CFDP1: variants seen among roughly 807,000 people sequenced by gnomAD.
CFDP1 encodes heterochromatin-stabilizing protein CFDP1.
In CFDP1, 31 loss-of-function variants were observed where a neutral mutation model predicts 40.1. The observed-to-expected ratio is 0.77, with a 90% CI of 0.58 to 1.04. CFDP1 has a LOEUF of 1.04. Among genes scored for constraint, CFDP1 ranks in the 50% least tolerant of loss-of-function variants. The pLI is 0.00. For missense variants in CFDP1, 423 were observed against 343.4 expected, an observed-to-expected ratio of 1.23 and a Z score of -1.83; for synonymous variants, 167 against 120.0, an observed-to-expected ratio of 1.39 and a Z score of -2.56.
intron 5 of CFDP1, among the ~76,000 whole-genome samples, chr16:75,330,963 A>T (rs1473973693): frequency 2.8e-4 from 2 of 7,200 alleles, no homozygotes; most frequent in Admixed American, 1.8e-3. Context: ...TCCAATTATT[A>T]AAAAAAAAAA....
intron 5 of CFDP1, among the ~76,000 whole-genome samples, chr16:75,341,053 T>G (rs1007360542): frequency 1.7e-4 from 26 of 152,204 alleles, no homozygotes; most frequent in African/African-American, 6.3e-4. Context: ...GAGTTACATT[T>G]GGCCCAAAGA....
chr16:75,412,805 A>T (rs1465078164), intron 2 of CFDP1, 51 bp from the exon 3 acceptor site: 1 of 1,425,278 alleles, frequency 7.0e-7, no homozygotes, highest in East Asian at 2.3e-5. Context: ...AAACGATTTC[A>T]GTTATCCCTC....
rs567079239 is a variant in CFDP1 at position 75,358,196 on chromosome 16, A to C, written c.650+36894T>G. Among the ~76,000 whole-genome samples, 6 of 152,352 alleles carry C rather than the reference A, an allele frequency of 3.9e-5. No homozygotes were observed. In the East Asian group the frequency reaches 9.6e-4, roughly 24 times the overall value. ...ATTATGAGAATTACCAAAATAGGAC[A>C]GAGACATGAAGTAAATACAAGCTGC... On this transcript the variant is annotated intron_variant, in intron 5 of 6. Coordinates refer to ENST00000283882, the MANE Select transcript of CFDP1 (RefSeq NM_006324.3).
intron 1 of CFDP1, among the ~76,000 whole-genome samples, chr16:75,423,607 T>C (rs1469343237): frequency 6.6e-6 from 1 of 151,970 alleles, no homozygotes; most frequent in African/African-American, 2.4e-5. Flanking sequence ...CTCCGCCTCT[T>C]GGGTTCACGC....
intron 5 of CFDP1, among the ~76,000 whole-genome samples, chr16:75,330,022 A>C (rs1180163901): frequency 1.3e-5 from 2 of 152,130 alleles, no homozygotes; most frequent in African/African-American, 4.8e-5. Context: ...GAATCCCCAG[A>C]GGTTATTAGA....
At chr16:75,309,264 G>C (rs1318456598) in intron 5 of CFDP1, among the ~76,000 whole-genome samples, 3 of 152,166 alleles carry the variant, frequency 2.0e-5, no homozygotes, top group Admixed American at 1.3e-4. Flanking sequence ...CAGATTTACT[G>C]TGACCTTGCC....
chr16:75,412,418 C>T (rs2079170875), intron 3 of CFDP1, 117 bp downstream of exon 3: 2 of 804,954 alleles, frequency 2.5e-6, no homozygotes, highest in Non-Finnish European at 4.2e-6. Flanking sequence ...AAATGCTTTG[C>T]TTTTCACTTA....
intron 4 of CFDP1, among the ~76,000 whole-genome samples, chr16:75,397,255 C>T (rs2079002869): frequency 6.6e-6 from 1 of 151,616 alleles, no homozygotes; most frequent in Non-Finnish European, 1.5e-5. Context: ...TGGCTCATGC[C>T]TGTAATCCCA....
chr16:75,356,386 A>C (rs376818997), intron 5 of CFDP1, among the ~76,000 whole-genome samples: 1 of 152,210 alleles, frequency 6.6e-6, no homozygotes, highest in Non-Finnish European at 1.5e-5. Context: ...GACTGGGTAC[A>C]CTGTCAATGA....
chr16:75,414,200 A>AT lies in CFDP1; in HGVS notation c.182+377dup, dbSNP rs919408110. ...AGAAAGTGAGTATGCTACTATTTAT[A>AT]TTTTTTTTCTAAAAAAAAAATGAAG... On this transcript the variant is annotated intron_variant, in intron 2 of 6. Transcript: ENST00000283882. Among the ~76,000 whole-genome samples the AT allele has an allele frequency of 2.6e-4, 40 of 151,884 alleles. 1 individual carries two copies. Among genetic ancestry groups the AT allele is most frequent in the African/African-American group, 8.9e-4 (37 of 41,396 alleles).
At chr16:75,331,168 G>C (rs1027879969) in intron 5 of CFDP1, among the ~76,000 whole-genome samples, 2 of 152,228 alleles carry the variant, frequency 1.3e-5, no homozygotes, top group African/African-American at 4.8e-5. Flanking sequence ...ATGACAGCAG[G>C]GGAGAAGGAT....
At chr16:75,408,773 T>G (rs888108029) in intron 4 of CFDP1, among the ~76,000 whole-genome samples, 1 of 151,910 alleles carries the variant, frequency 6.6e-6, no homozygotes, top group African/African-American at 2.4e-5. Context: ...AGACCCTGTC[T>G]CAAAATAATA....
In CFDP1 at chr16:75,433,361, C is replaced by T. The variant is rs368696378; in HGVS notation, c.-9G>A. The T allele has an allele frequency of 1.9e-6, 3 of 1,584,576 alleles. No individual in the cohort carries two copies. Among genetic ancestry groups the T allele is most frequent in the African/African-American group, 2.7e-5 (2 of 74,328 alleles). On this transcript the variant is annotated 5_prime_UTR_variant, in exon 1 of 7. Coordinates refer to ENST00000283882, the MANE Select transcript of CFDP1 (RefSeq NM_006324.3). Reference sequence around the variant, plus strand: ...GAGTCGAATTCCTCCATGTTGCTGCCGCTCGACGCTGGTCAAACTCACAAG... The same window carrying T: ...GAGTCGAATTCCTCCATGTTGCTGCTGCTCGACGCTGGTCAAACTCACAAG...
intron 1 of CFDP1, among the ~76,000 whole-genome samples, chr16:75,429,491 T>C (rs1278468230): frequency 6.6e-6 from 1 of 152,078 alleles, no homozygotes; most frequent in Non-Finnish European, 1.5e-5. Flanking sequence ...CCGTCTCTAC[T>C]AAAAATACAA....
intron 5 of CFDP1, among the ~76,000 whole-genome samples, chr16:75,330,601 A>C (rs1287518977): frequency 6.6e-6 from 1 of 152,202 alleles, no homozygotes; most frequent in Non-Finnish European, 1.5e-5. Flanking sequence ...AAACAAAAAC[A>C]AAAACAAATG....
intron 4 of CFDP1, among the ~76,000 whole-genome samples, chr16:75,411,575 ATACTT>A (rs1259796536): frequency 6.6e-6 from 1 of 152,192 alleles, no homozygotes; most frequent in Non-Finnish European, 1.5e-5. Context: ...GTGGAACAAA[ATACTT>A]AACTCATATT....
At chr16:75,295,397 A>G (rs1567637131) in intron 6 of CFDP1, among the ~76,000 whole-genome samples, 2 of 152,264 alleles carry the variant, frequency 1.3e-5, no homozygotes, top group Non-Finnish European at 2.9e-5. Flanking sequence ...TGTAATAAAG[A>G]TAATAAATAA....
At position 75,326,549 on chromosome 16, in the gene CFDP1, C is replaced by T. The variant is rs140350217; in HGVS notation, c.651-21367G>A. ...AGAGAATTATGCAGACACAAACTTCCTCTCTCGTTCAGTGGTCTGAGCTGG... is the reference window on the plus strand; with the variant it reads ...AGAGAATTATGCAGACACAAACTTCTTCTCTCGTTCAGTGGTCTGAGCTGG... On this transcript the variant is annotated intron_variant, in intron 5 of 6. Transcript: ENST00000283882. 6.8e-3 allele frequency among the ~76,000 whole-genome samples: 1,029 copies of T among 152,320 alleles called. 6 individuals are homozygous for T. The highest frequency in any genetic ancestry group is 0.01 in the Non-Finnish European group (683 of 68,028).
chr16:75,355,052 AG>A (rs2078637098), intron 5 of CFDP1, among the ~76,000 whole-genome samples: 2 of 152,244 alleles, frequency 1.3e-5, no homozygotes, highest in African/African-American at 4.8e-5. Flanking sequence ...CAGTCTATTA[AG>A]TGTGTAATAG....
Sources: gnomAD v4.1 joint callset for allele counts (sites outside exome capture counted in the v4.1 genomes callset) on GRCh38, gnomAD v4.1.1 for gene constraint, MANE v1.5 for transcripts, NCBI Gene and HGNC (gene_info 2026-07-23, HGNC 2026-07-21) for gene names.